The following LRRC7 variants were observed in gnomAD, a reference collection of about 807,000 sequenced individuals.
The protein encoded by LRRC7 is leucine-rich repeat-containing protein 7.
A neutral mutation model predicts 175.7 loss-of-function variants in LRRC7; 23 were observed. The ratio of observed to expected loss-of-function variants is 0.13; its 90% confidence interval spans 0.09 to 0.19. The LOEUF (loss-of-function observed/expected upper bound fraction) is 0.19, where lower values mean the gene tolerates loss of function less well. Ranked by LOEUF, LRRC7 falls within the 10% of genes least tolerant of loss-of-function variation. LRRC7 has a pLI of 1.00. For missense variants in LRRC7, 1,354 were observed against 1,904.7 expected (o/e 0.71, Z 5.38); for synonymous variants, 685 against 680.9 (o/e 1.01, Z -0.09).
chr1:70,061,719 T>C (rs544526318), intron 23 of LRRC7, among the ~76,000 whole-genome samples: 10 of 152,256 alleles, frequency 6.6e-5, no homozygotes, highest in Admixed American at 3.3e-4. Context: ...AGATATCAAA[T>C]GTGTCCAAAT....
chr1:69,979,043 C>G (rs1435464901), intron 8 of LRRC7, among the ~76,000 whole-genome samples: 1 of 151,988 alleles, frequency 6.6e-6, no homozygotes, highest in Non-Finnish European at 1.5e-5. Flanking sequence ...TAGACAGGCT[C>G]TCCTTTTTTT....
intron 3 of LRRC7, among the ~76,000 whole-genome samples, chr1:69,768,575 A>T (rs934542499): frequency 6.6e-6 from 1 of 152,210 alleles, no homozygotes; most frequent in East Asian, 1.9e-4. Context: ...GCCATAAAAC[A>T]TCACTGTAAA....
rs1666840956 is a variant in LRRC7 at position 70,135,738 on chromosome 1, G to A, written c.*13851G>A. 6.6e-6 allele frequency among the ~76,000 whole-genome samples: 1 copy of A among 152,140 alleles called. No individual in the cohort carries two copies. The highest frequency in any genetic ancestry group is 2.1e-4 in the South Asian group (1 of 4,828). On this transcript the variant is annotated 3_prime_UTR_variant, in exon 27 of 27. Coordinates refer to ENST00000651989, the MANE Select transcript of LRRC7 (RefSeq NM_001370785.2). ...TCTCTAAAAGTGATTTTTTCTCTAG[G>A]ATATCATCATCCAAACTATTCTTGC... is the stretch of plus-strand genomic sequence containing the variant.
intron 7 of LRRC7, among the ~76,000 whole-genome samples, chr1:69,924,914 C>T (rs1647014313): frequency 1.3e-5 from 2 of 152,176 alleles, no homozygotes; most frequent in South Asian, 4.1e-4. Context: ...TTTGCCCATT[C>T]AGTATGGTAT....
chr1:70,111,676 T>C (rs1295606563), intron 26 of LRRC7, among the ~76,000 whole-genome samples: 1 of 152,156 alleles, frequency 6.6e-6, no homozygotes, highest in Non-Finnish European at 1.5e-5. Context: ...ATAGTTATTC[T>C]GTTGAAAAGA....
chr1:70,035,243 A>G (rs912018753), intron 18 of LRRC7, among the ~76,000 whole-genome samples: 9 of 152,162 alleles, frequency 5.9e-5, no homozygotes, highest in Non-Finnish European at 8.8e-5. Flanking sequence ...ATGGGCATAG[A>G]TAATGCATTT....
chr1:69,596,479 C>A (rs1336173284), intron 1 of LRRC7, among the ~76,000 whole-genome samples: 2 of 152,132 alleles, frequency 1.3e-5, no homozygotes, highest in African/African-American at 4.8e-5. Context: ...TACATAATAA[C>A]ATGCTCTAAA....
At position 70,142,854 on chromosome 1, in the gene LRRC7, T is replaced by C. The variant is rs1667119584; in HGVS notation, c.*20967T>C. 6.6e-6 allele frequency: 1 copy of C among 152,066 alleles called. No individual in the cohort carries two copies. Among genetic ancestry groups the C allele is most frequent in the Non-Finnish European group, 1.5e-5 (1 of 67,950 alleles). The allele number at this position is 152,066 out of a possible 1,614,324, so 9.4% of individuals were successfully genotyped here. On this transcript the variant is annotated 3_prime_UTR_variant, in exon 27 of 27. Transcript: ENST00000651989. ...AAGACAGTGGTAGGTTTTCAGATGG[T>C]TTGTTAAGAATTATATGTAAAAGGA...
chr1:69,673,493 G>A (rs868269257), intron 1 of LRRC7, among the ~76,000 whole-genome samples: 20 of 152,286 alleles, frequency 1.3e-4, no homozygotes, highest in Middle Eastern at 3.4e-3. Context: ...TCCCACTGGT[G>A]GCTTGCCAAG....
At chr1:69,579,258 T>G (rs1245064) in intron 1 of LRRC7, among the ~76,000 whole-genome samples, 151,548 of 152,264 alleles carry the variant, frequency 1, 75,419 homozygotes, top group Middle Eastern at 1. Flanking sequence ...TGAGTCAAGT[T>G]AGAAATTTAC....
chr1:70,001,887 G>C (rs1322094594), intron 11 of LRRC7, among the ~76,000 whole-genome samples: 1 of 152,004 alleles, frequency 6.6e-6, no homozygotes, highest in African/African-American at 2.4e-5. Context: ...TTACTTAAAG[G>C]CCTCATTAGC....
rs534094133 is a variant in LRRC7, at chr1:69,968,277, T to C, written c.712-12102T>C. Among the ~76,000 whole-genome samples the C allele has an allele frequency of 3.9e-5, 6 of 152,056 alleles. 1 individual carries two copies. The highest frequency in any genetic ancestry group is 1.2e-4 in the African/African-American group (5 of 41,488). On this transcript the variant is annotated intron_variant, in intron 8 of 26. Coordinates refer to ENST00000651989, the MANE Select transcript of LRRC7 (RefSeq NM_001370785.2). ...ACAAAGAAAAAAGAATAAGGAAATA[T>C]GAACAAAGACTCCAAGAAGTCTGGG...
At chr1:69,804,372 T>C (rs182204476) in intron 4 of LRRC7, among the ~76,000 whole-genome samples, 1 of 151,592 alleles carries the variant, frequency 6.6e-6, no homozygotes, top group Admixed American at 6.6e-5. Context: ...GATTTTTACA[T>C]ACCTGGAACA....
rs2102278341 is a variant in LRRC7, at chr1:70,135,621, A to G, written c.*13734A>G. On this transcript the variant is annotated 3_prime_UTR_variant, in exon 27 of 27. Transcript: ENST00000651989. Reference sequence around the variant, plus strand: ...TGTCACCTCCCTGACAAATAAGTGAATATCCATCATATTCAAGACTTCACT... The same window carrying G: ...TGTCACCTCCCTGACAAATAAGTGAGTATCCATCATATTCAAGACTTCACT... Among the ~76,000 whole-genome samples, 1 of 152,316 alleles carries G rather than the reference A, an allele frequency of 6.6e-6. No individual in the cohort carries two copies. Among genetic ancestry groups the G allele is most frequent in the East Asian group, 1.9e-4 (1 of 5,188 alleles).
intron 3 of LRRC7, among the ~76,000 whole-genome samples, chr1:69,781,697 A>AGAAAGAAAG (rs1165665566): frequency 4.5e-5 from 1 of 22,422 alleles, no homozygotes; most frequent in African/African-American, 3.0e-4. Flanking sequence ...AGAAGAAAGA[A>AGAAAGAAAG]AGAAAGAAAG....
intron 24 of LRRC7, among the ~76,000 whole-genome samples, chr1:70,086,055 A>C (rs1663584006): frequency 6.6e-6 from 1 of 152,188 alleles, no homozygotes; most frequent in Non-Finnish European, 1.5e-5. Flanking sequence ...TATTTTAACA[A>C]GGAGTCATCG....
intron 11 of LRRC7, among the ~76,000 whole-genome samples, chr1:69,999,921 G>A (rs1045355607): frequency 1.3e-5 from 2 of 152,110 alleles, no homozygotes; most frequent in Non-Finnish European, 2.9e-5. Context: ...CAGACTTACT[G>A]GCACACTGTG....
At chr1:69,759,896 C>G (rs1670851002) in intron 2 of LRRC7, among the ~76,000 whole-genome samples, 1 of 151,984 alleles carries the variant, frequency 6.6e-6, no homozygotes, top group Non-Finnish European at 1.5e-5. Context: ...TAGCATTGAA[C>G]TGAGACAGGA....
At chr1:69,924,996 G>C (rs1647017501) in intron 7 of LRRC7, among the ~76,000 whole-genome samples, 1 of 152,076 alleles carries the variant, frequency 6.6e-6, no homozygotes, top group Non-Finnish European at 1.5e-5. Context: ...TTTATTGAGA[G>C]TTTTTAGCAT....
Sources: gnomAD v4.1 joint callset for allele counts (sites outside exome capture counted in the v4.1 genomes callset) on GRCh38, gnomAD v4.1.1 for gene constraint, MANE v1.5 for transcripts, NCBI Gene and HGNC (gene_info 2026-07-23, HGNC 2026-07-21) for gene names.